The following GYG1 variants were observed in gnomAD, a reference collection of about 807,000 sequenced individuals.
GYG1 encodes the protein glycogenin-1.
A neutral mutation model predicts 41.9 loss-of-function variants in GYG1; 44 were observed. That is an observed-to-expected ratio of 1.05 (90% CI 0.83 to 1.35). The LOEUF is 1.35. GYG1 is among the 40% of genes most tolerant of loss of function. The pLI is 0.00. For synonymous variants in GYG1, 141 were observed against 158.1 expected, an observed-to-expected ratio of 0.89 and a Z score of 0.81; for missense variants, 429 against 418.9, an observed-to-expected ratio of 1.02 and a Z score of -0.21.
chr3:148,993,343 C>T (rs1373484198), intron 1 of GYG1, among the ~76,000 whole-genome samples: 1 of 151,736 alleles, frequency 6.6e-6, no homozygotes, highest in Admixed American at 6.6e-5. Context: ...GCAGGATGGA[C>T]CTGCACCTTC....
chr3:149,022,251 C>G (rs983601519), intron 5 of GYG1, among the ~76,000 whole-genome samples: 2 of 152,112 alleles, frequency 1.3e-5, no homozygotes, highest in Admixed American at 6.5e-5. Context: ...ACGCTTTACT[C>G]CTACTTTTTT....
Position 149,029,689 on chromosome 3 carries a change from CTT to C in GYG1, c.*2758_*2759del, listed in dbSNP as rs1458288830. 2.0e-5 allele frequency among the ~76,000 whole-genome samples: 3 copies of C among 152,272 alleles called. No individual in the cohort carries two copies. The highest frequency in any genetic ancestry group is 7.2e-5 in the African/African-American group (3 of 41,552). On this transcript the variant is annotated 3_prime_UTR_variant, in exon 8 of 8. Coordinates refer to ENST00000345003, the MANE Select transcript of GYG1 (RefSeq NM_004130.4). Reference sequence around the variant, plus strand: ...AAACAAGAAAAAAATACAGCAATGTCTTTGCCATTCCCCAAAACAAAGCACAC... The same window carrying C: ...AAACAAGAAAAAAATACAGCAATGTCTGCCATTCCCCAAAACAAAGCACAC...
Position 148,996,908 on chromosome 3 carries a change from T to C in GYG1, c.481+4T>C, listed in dbSNP as rs752756096. On this transcript the variant is annotated splice_donor_region_variant and intron_variant, in intron 4 of 7. Transcript: ENST00000345003. ...TCTGAGCAAGGTAGTTTTGATGGTA[T>C]GTATTTGCTATCTTCATGTCTGATA... The C allele has an allele frequency of 6.2e-7, 1 of 1,606,948 alleles. No homozygotes were observed. The highest frequency in any genetic ancestry group is 1.1e-5 in the South Asian group (1 of 90,898).
rs538146332 is a variant in GYG1 at position 149,022,339 on chromosome 3, C to G, written c.609-1714C>G. Among the ~76,000 whole-genome samples, 9 of 151,834 alleles carry G rather than the reference C, an allele frequency of 5.9e-5. 1 individual carries two copies. Among genetic ancestry groups the G allele is most frequent in the African/African-American group, 2.2e-4 (9 of 41,406 alleles). Reference sequence around the variant, plus strand: ...TAAAATGTGCATTGTTTAAAAATACCACCCAAGTTAAGACATAGAACACAA... The same window carrying G: ...TAAAATGTGCATTGTTTAAAAATACGACCCAAGTTAAGACATAGAACACAA... On this transcript the variant is annotated intron_variant, in intron 5 of 7. Transcript: ENST00000345003.
intron 4 of GYG1, 97 bp downstream of exon 4, chr3:148,997,001 G>C: frequency 2.1e-6 from 2 of 948,912 alleles, no homozygotes; most frequent in Non-Finnish European, 3.4e-6. Flanking sequence ...TATTCTGCCT[G>C]GAAGATATAA....
chr3:149,003,141 G>A (rs957822879), intron 4 of GYG1, among the ~76,000 whole-genome samples: 4 of 140,334 alleles, frequency 2.9e-5, no homozygotes, highest in Non-Finnish European at 4.6e-5. Context: ...TTGAGATGGA[G>A]TTTCACTGTT....
intron 5 of GYG1, among the ~76,000 whole-genome samples, chr3:149,022,077 A>C (rs891185458): frequency 6.6e-6 from 1 of 152,176 alleles, no homozygotes; most frequent in East Asian, 1.9e-4. Context: ...TTGAAGTCAC[A>C]TCCCACTATC....
intron 4 of GYG1, among the ~76,000 whole-genome samples, chr3:149,006,879 T>G (rs531398364): frequency 1.8e-4 from 27 of 152,366 alleles, no homozygotes; most frequent in Admixed American, 1.2e-3. Flanking sequence ...TGTTTTGGCT[T>G]TGATAGTTTG....
chr3:149,011,113 C>A (rs185347880), intron 5 of GYG1, among the ~76,000 whole-genome samples: 1 of 152,272 alleles, frequency 6.6e-6, no homozygotes, highest in East Asian at 1.9e-4. Context: ...ACAATGGGAA[C>A]AAGCAGACTC....
At chr3:149,020,708 A>G (rs2107917758) in intron 5 of GYG1, among the ~76,000 whole-genome samples, 1 of 152,350 alleles carries the variant, frequency 6.6e-6, no homozygotes, top group East Asian at 1.9e-4. Context: ...ACTTATTTTA[A>G]TTAGTATTAC....
chr3:149,018,516 G>A (rs1714191667), intron 5 of GYG1, among the ~76,000 whole-genome samples: 1 of 152,134 alleles, frequency 6.6e-6, no homozygotes, highest in Admixed American at 6.5e-5. Flanking sequence ...CTTACACAAA[G>A]TTGCAAAATC....
intron 5 of GYG1, among the ~76,000 whole-genome samples, chr3:149,010,609 G>A (rs1713665434): frequency 6.6e-6 from 1 of 151,474 alleles, no homozygotes; most frequent in Admixed American, 6.6e-5. Flanking sequence ...TTACAGGCAT[G>A]AGCCACTGCT....
intron 4 of GYG1, among the ~76,000 whole-genome samples, chr3:149,004,459 G>C (rs550055068): frequency 2.4e-4 from 37 of 152,220 alleles, no homozygotes; most frequent in Non-Finnish European, 4.0e-4. Flanking sequence ...TTTCTAAAGA[G>C]AGGATATTGG....
At position 149,029,156 on chromosome 3, in the gene GYG1, C is replaced by T. The variant is rs1394699451; in HGVS notation, c.*2223C>T. Among the ~76,000 whole-genome samples the T allele has an allele frequency of 6.6e-6, 1 of 152,178 alleles. No individual in the cohort carries two copies. The highest frequency in any genetic ancestry group is 1.9e-4 in the East Asian group (1 of 5,200). Reference sequence around the variant, plus strand: ...AATCACTGAACTAAACATTCTTTTCCTTCTATGATCTATGTCTTAAGGTGA... The same window carrying T: ...AATCACTGAACTAAACATTCTTTTCTTTCTATGATCTATGTCTTAAGGTGA... On this transcript the variant is annotated 3_prime_UTR_variant, in exon 8 of 8. Transcript: ENST00000345003.
intron 5 of GYG1, among the ~76,000 whole-genome samples, chr3:149,017,582 GTTTTTTTTT>G (rs58075146): frequency 2.1e-5 from 1 of 47,382 alleles, no homozygotes; most frequent in African/African-American, 5.5e-5. Context: ...TTTTATTTAG[GTTTTTTTTT>G]TTTTTTTTTT....
intron 4 of GYG1, among the ~76,000 whole-genome samples, chr3:148,999,187 A>G (rs1298419748): frequency 6.6e-6 from 1 of 152,216 alleles, no homozygotes; most frequent in Non-Finnish European, 1.5e-5. Flanking sequence ...ACTAGGAAGC[A>G]CTTCCTGCTT....
rs772558599 is a variant in GYG1 at position 149,009,379 on chromosome 3, C to G, written c.585C>G (p.Tyr195Ter). Residue 195 changes from tyrosine to a stop codon, truncating the protein, a stop_gained, in exon 5 of 8, where the codon TAC becomes TAG. Transcript: ENST00000345003. LOFTEE classifies it high-confidence loss of function. ...FIYNLSSISI[Y>*]SYLPAFKVFG... ...ATAACCTAAGCAGCATCTCTATATACTCCTACCTCCCGGCATTTAAAGTGT... is the reference window on the plus strand; with the variant it reads ...ATAACCTAAGCAGCATCTCTATATAGTCCTACCTCCCGGCATTTAAAGTGT... 6.2e-7 allele frequency: 1 copy of G among 1,611,830 alleles called. No individual in the cohort carries two copies. The highest frequency in any genetic ancestry group is 1.3e-5 in the African/African-American group (1 of 74,832).
chr3:148,992,990 C>T (rs1712575865), intron 1 of GYG1, among the ~76,000 whole-genome samples: 2 of 151,932 alleles, frequency 1.3e-5, no homozygotes, highest in South Asian at 4.2e-4. Context: ...GGAAAACGGG[C>T]AAGGGAGAAT....
intron 4 of GYG1, among the ~76,000 whole-genome samples, chr3:149,000,021 T>C (rs1713005934): frequency 6.6e-6 from 1 of 152,254 alleles, no homozygotes; most frequent in Non-Finnish European, 1.5e-5. Context: ...AGGCTGTTGA[T>C]GGCTGAGCAT....
Sources: gnomAD v4.1 joint callset for allele counts (sites outside exome capture counted in the v4.1 genomes callset) on GRCh38, gnomAD v4.1.1 for gene constraint, MANE v1.5 for transcripts, NCBI Gene and HGNC (gene_info 2026-07-23, HGNC 2026-07-21) for gene names.